The following PTPRD variants were observed in gnomAD, a reference collection of about 807,000 sequenced individuals.
The protein encoded by PTPRD is receptor-type tyrosine-protein phosphatase delta.
Under a neutral mutation model 214.5 loss-of-function variants are expected in PTPRD, and 34 were observed. The ratio of observed to expected loss-of-function variants is 0.16; its 90% CI spans 0.12 to 0.21. The LOEUF is 0.21. PTPRD is among the 10% of genes least tolerant of loss of function. The pLI, the probability that PTPRD is intolerant of heterozygous loss-of-function variation, is 1.00. For missense variants in PTPRD, 2,545 were observed against 2,398.7 expected (o/e 1.06, Z -1.27); for synonymous variants, 1,128 against 845.7 (o/e 1.33, Z -5.79).
At chr9:9,201,653 A>G (rs544508054) in intron 9 of PTPRD, among the ~76,000 whole-genome samples, 1 of 152,308 alleles carries the variant, frequency 6.6e-6, no homozygotes, top group African/African-American at 2.4e-5. Context: ...CTTACTGATA[A>G]AAATAATTAA....
chr9:9,119,722 C>G (rs1449720739), intron 10 of PTPRD, among the ~76,000 whole-genome samples: 1 of 151,978 alleles, frequency 6.6e-6, no homozygotes, highest in African/African-American at 2.4e-5. Context: ...CGGGGTTTCA[C>G]CATGTTGCCC....
intron 5 of PTPRD, among the ~76,000 whole-genome samples, chr9:9,854,877 G>C (rs368023527): frequency 1.3e-5 from 2 of 152,112 alleles, no homozygotes; most frequent in South Asian, 2.1e-4. Context: ...GACACCAGTA[G>C]CACTAACTTT....
At chr9:9,041,718 G>T (rs1365561064) in intron 10 of PTPRD, among the ~76,000 whole-genome samples, 2 of 152,246 alleles carry the variant, frequency 1.3e-5, no homozygotes, top group East Asian at 1.9e-4. Context: ...GCACTGGAAG[G>T]CATCTCTAAA....
intron 14 of PTPRD, among the ~76,000 whole-genome samples, chr9:8,608,720 C>T (rs116625588): frequency 1.4e-3 from 217 of 152,138 alleles, no homozygotes; most frequent in African/African-American, 5.0e-3. Context: ...ATGATGTAAA[C>T]AGAACTTTGA....
intron 9 of PTPRD, among the ~76,000 whole-genome samples, chr9:9,229,456 C>G (rs545534118): frequency 1.8e-4 from 28 of 152,150 alleles, no homozygotes; most frequent in African/African-American, 6.3e-4. Flanking sequence ...AATCTGTAAT[C>G]CTTCATTGCG....
At chr9:9,502,758 T>C (rs1438519811) in intron 8 of PTPRD, among the ~76,000 whole-genome samples, 2 of 151,880 alleles carry the variant, frequency 1.3e-5, no homozygotes, top group South Asian at 2.1e-4. Context: ...AAGGAGCAAA[T>C]TGATGATATA....
intron 12 of PTPRD, among the ~76,000 whole-genome samples, chr9:8,714,862 T>G (rs2098414079): frequency 2.0e-5 from 3 of 152,190 alleles, no homozygotes; most frequent in African/African-American, 7.2e-5. Flanking sequence ...TTCCTATTTA[T>G]CAATTGTATT....
At chr9:10,367,946 T>C (rs1165390686) in intron 2 of PTPRD, among the ~76,000 whole-genome samples, 2 of 152,100 alleles carry the variant, frequency 1.3e-5, no homozygotes, top group Admixed American at 6.6e-5. Flanking sequence ...AGCACATTGT[T>C]GGTGATCAAT....
intron 12 of PTPRD, among the ~76,000 whole-genome samples, chr9:8,692,390 C>G (rs1357633969): frequency 6.6e-6 from 1 of 152,144 alleles, no homozygotes; most frequent in Non-Finnish European, 1.5e-5. Flanking sequence ...ATTGGACCTC[C>G]TGTCTTCAGA....
chr9:9,884,755 T>G (rs1409531863), intron 5 of PTPRD, among the ~76,000 whole-genome samples: 1 of 152,064 alleles, frequency 6.6e-6, no homozygotes, highest in Non-Finnish European at 1.5e-5. Flanking sequence ...TAAGTTTTCA[T>G]GAGATCTGAT....
At chr9:8,753,547 A>C (rs2093714765) in intron 11 of PTPRD, among the ~76,000 whole-genome samples, 1 of 151,902 alleles carries the variant, frequency 6.6e-6, no homozygotes, top group South Asian at 2.1e-4. Context: ...CTCCTTAAAC[A>C]GGAGCTAGTC....
At chr9:10,382,514 T>C (rs1439838348) in intron 2 of PTPRD, among the ~76,000 whole-genome samples, 1 of 151,928 alleles carries the variant, frequency 6.6e-6, no homozygotes, top group Non-Finnish European at 1.5e-5. Context: ...GAATTGAGTA[T>C]TCCTGCTTTT....
chr9:10,585,927 T>G (rs2073750319), intron 2 of PTPRD, among the ~76,000 whole-genome samples: 1 of 152,090 alleles, frequency 6.6e-6, no homozygotes, highest in Admixed American at 6.6e-5. Context: ...CTCAGTGATA[T>G]AACTAGGTTA....
chr9:9,546,013 C>G (rs2078713242), intron 8 of PTPRD, among the ~76,000 whole-genome samples: 1 of 151,670 alleles, frequency 6.6e-6, no homozygotes, highest in Non-Finnish European at 1.5e-5. Context: ...TTTTGTTAGA[C>G]TTACACCTAA....
Position 10,265,990 on chromosome 9 carries a change from T to C in PTPRD, c.-545+74973A>G, listed in dbSNP as rs984710817. On this transcript the variant is annotated intron_variant, in intron 3 of 45. Coordinates refer to ENST00000381196, the MANE Select transcript of PTPRD (RefSeq NM_002839.4). ...AATTTATTTTCAATGCAAGTGATCA[T>C]GTAAAACTTTGAATATATTACTAAA... Among the ~76,000 whole-genome samples, 18 of 152,332 alleles carry C rather than the reference T, an allele frequency of 1.2e-4. No individual in the cohort carries two copies. The East Asian group carries it at 3.5e-3, about 29-fold the overall frequency.
At chr9:9,521,635 A>G (rs1012861374) in intron 8 of PTPRD, among the ~76,000 whole-genome samples, 1 of 152,184 alleles carries the variant, frequency 6.6e-6, no homozygotes, top group African/African-American at 2.4e-5. Context: ...GCAAATGAAA[A>G]AGAGATTTCC....
At chr9:9,524,806 C>G (rs575389803) in intron 8 of PTPRD, among the ~76,000 whole-genome samples, 10 of 152,120 alleles carry the variant, frequency 6.6e-5, no homozygotes, top group Admixed American at 2.0e-4. Flanking sequence ...GAATAATTTA[C>G]TAATTTTGGA....
chr9:9,072,858 G>C (rs935900004), intron 10 of PTPRD, among the ~76,000 whole-genome samples: 4 of 152,106 alleles, frequency 2.6e-5, no homozygotes, highest in Admixed American at 6.6e-5. Flanking sequence ...TTCACACATA[G>C]ATTAATCTAG....
chr9:10,030,811 G>A (rs112854750), intron 4 of PTPRD, among the ~76,000 whole-genome samples: 8 of 152,244 alleles, frequency 5.3e-5, no homozygotes, highest in South Asian at 2.1e-4. Context: ...CTCCCATCCC[G>A]CTTCATCTTC....
Sources: gnomAD v4.1 joint callset for allele counts (sites outside exome capture counted in the v4.1 genomes callset) on GRCh38, gnomAD v4.1.1 for gene constraint, MANE v1.5 for transcripts, NCBI Gene and HGNC (gene_info 2026-07-23, HGNC 2026-07-21) for gene names.